Variants in WWOX observed in about 807,000 individuals in gnomAD.
The protein encoded by WWOX is WW domain-containing oxidoreductase.
A neutral mutation model predicts 46.2 loss-of-function variants in WWOX; 69 were observed. The ratio of observed to expected loss-of-function variants is 1.49; its 90% CI spans 1.23 to 1.82. The LOEUF is 1.82. Among genes scored for constraint, WWOX ranks in the 40% most tolerant of loss-of-function variants. WWOX has a pLI of 0.00. For synonymous variants in WWOX, 359 were observed against 202.6 expected, an observed-to-expected ratio of 1.77 and a Z score of -6.56; for missense variants, 919 against 542.6, an observed-to-expected ratio of 1.69 and a Z score of -6.89.
At chr16:78,159,384 C>A (rs776866787) in intron 4 of WWOX, among the ~76,000 whole-genome samples, 1 of 152,056 alleles carries the variant, frequency 6.6e-6, no homozygotes, top group Non-Finnish European at 1.5e-5. Context: ...TTTTGAGGAA[C>A]CTCCATACTG....
intron 6 of WWOX, among the ~76,000 whole-genome samples, chr16:78,392,220 TC>T (rs1357696511): frequency 6.6e-6 from 1 of 151,942 alleles, no homozygotes; most frequent in East Asian, 1.9e-4. Context: ...CCTCAGGTCC[TC>T]CCCCTGTCAG....
intron 8 of WWOX, among the ~76,000 whole-genome samples, chr16:78,722,316 A>C (rs1451317002): frequency 1.3e-5 from 2 of 152,156 alleles, no homozygotes; most frequent in Non-Finnish European, 2.9e-5. Context: ...ATCTTTACTC[A>C]AGGCTCTTGG....
At chr16:79,200,987 G>A (rs994329056) in intron 8 of WWOX, among the ~76,000 whole-genome samples, 1 of 152,166 alleles carries the variant, frequency 6.6e-6, no homozygotes, top group Non-Finnish European at 1.5e-5. Context: ...AGCTGCTTTT[G>A]AACTAGTACT....
chr16:79,062,942 C>T (rs937852125), intron 8 of WWOX, among the ~76,000 whole-genome samples: 1 of 152,226 alleles, frequency 6.6e-6, no homozygotes, highest in Non-Finnish European at 1.5e-5. Flanking sequence ...AGGTCAATTA[C>T]CCACCCAAAT....
chr16:78,946,611 CT>C (rs1292286689), intron 8 of WWOX, among the ~76,000 whole-genome samples: 4 of 152,184 alleles, frequency 2.6e-5, no homozygotes, highest in Non-Finnish European at 5.9e-5. Flanking sequence ...GACAGAGTTT[CT>C]TTCTGTCTTC....
At chr16:78,199,544 T>C (rs1262775445) in intron 5 of WWOX, among the ~76,000 whole-genome samples, 2 of 152,204 alleles carry the variant, frequency 1.3e-5, no homozygotes, top group African/African-American at 4.8e-5. Flanking sequence ...AGTGTTCTCA[T>C]GGGCTCTTCT....
At chr16:78,284,525 CACTT>C (rs2079735998) in intron 5 of WWOX, among the ~76,000 whole-genome samples, 1 of 152,148 alleles carries the variant, frequency 6.6e-6, no homozygotes, top group Admixed American at 6.6e-5. Context: ...TTTCAAATGT[CACTT>C]ACTTCTTGTT....
At chr16:78,821,009 C>G (rs926875969) in intron 8 of WWOX, among the ~76,000 whole-genome samples, 6 of 152,320 alleles carry the variant, frequency 3.9e-5, no homozygotes, top group East Asian at 3.9e-4. Flanking sequence ...AGTATGATCT[C>G]ATCTCATTCC....
intron 8 of WWOX, among the ~76,000 whole-genome samples, chr16:78,855,731 C>T (rs2052550941): frequency 6.6e-6 from 1 of 152,186 alleles, no homozygotes; most frequent in Non-Finnish European, 1.5e-5. Flanking sequence ...GAGAGAGACG[C>T]ACCACCTCTC....
intron 8 of WWOX, among the ~76,000 whole-genome samples, chr16:78,625,654 A>G (rs77664573): frequency 4.0e-5 from 6 of 151,764 alleles, no homozygotes; most frequent in Non-Finnish European, 8.8e-5. Context: ...GGTTTTTGCC[A>G]TTAAAAGTAA....
intron 8 of WWOX, among the ~76,000 whole-genome samples, chr16:78,812,642 C>G (rs112337265): frequency 0.012 from 1,855 of 152,076 alleles, 30 homozygotes; most frequent in African/African-American, 0.042. Context: ...GCGAGAATCA[C>G]TTGAACCCAG....
At chr16:78,463,843 C>G (rs1489397435) in intron 8 of WWOX, among the ~76,000 whole-genome samples, 2 of 152,122 alleles carry the variant, frequency 1.3e-5, no homozygotes, top group Non-Finnish European at 2.9e-5. Flanking sequence ...CAAATGATCA[C>G]CTGGTAATTT....
Position 78,973,370 on chromosome 16 carries a change from CT to C in WWOX, c.1057-238237del, listed in dbSNP as rs1448833673. On this transcript the variant is annotated intron_variant, in intron 8 of 8. Coordinates refer to ENST00000566780, the MANE Select transcript of WWOX (RefSeq NM_016373.4). ...GGTGATAAAAGGGAGAAAAATAGAA[CT>C]GTTCTAGAACGATCTCCACTTTTAA... is the stretch of plus-strand genomic sequence containing the variant. 7.9e-5 allele frequency among the ~76,000 whole-genome samples: 12 copies of C among 152,244 alleles called. No homozygotes were observed. In the South Asian group the frequency reaches 2.5e-3, roughly 32 times the overall value.
intron 8 of WWOX, among the ~76,000 whole-genome samples, chr16:78,572,503 T>C (rs976905038): frequency 2.1e-5 from 3 of 145,416 alleles, no homozygotes; most frequent in African/African-American, 7.8e-5. Context: ...CTTGGGAGAC[T>C]GAGGAGGGAG....
chr16:78,999,956 A>G (rs1054980139), intron 8 of WWOX, among the ~76,000 whole-genome samples: 2 of 151,536 alleles, frequency 1.3e-5, no homozygotes, highest in Non-Finnish European at 2.9e-5. Context: ...CACCGGGAGC[A>G]TTTTTTTTTC....
At chr16:79,039,351 A>G (rs926782065) in intron 8 of WWOX, among the ~76,000 whole-genome samples, 1 of 151,796 alleles carries the variant, frequency 6.6e-6, no homozygotes. Flanking sequence ...AGGGAGTTTC[A>G]TTGAGGACTA....
intron 8 of WWOX, chr16:78,506,449 G>C (rs2085206174): frequency 6.6e-6 from 1 of 152,226 alleles, no homozygotes; most frequent in Non-Finnish European, 1.5e-5. Context: ...TCCACCCCCG[G>C]AAGGTATATT....
chr16:78,959,436 C>G (rs993088183), intron 8 of WWOX, among the ~76,000 whole-genome samples: 2 of 152,176 alleles, frequency 1.3e-5, no homozygotes, highest in East Asian at 3.9e-4. Flanking sequence ...ATAACACTAA[C>G]AAGCTAATTC....
chr16:78,344,936 G>A (rs1210188383), intron 5 of WWOX, among the ~76,000 whole-genome samples: 3 of 120,340 alleles, frequency 2.5e-5, no homozygotes, highest in East Asian at 3.9e-4. Context: ...TCCTTGCTGC[G>A]GGAACTCTGG....
Sources: allele counts gnomAD v4.1 joint callset (sites outside exome capture counted in the v4.1 genomes callset), GRCh38; gene constraint gnomAD v4.1.1; transcripts MANE v1.5; gene names NCBI Gene and HGNC (gene_info 2026-07-23, HGNC 2026-07-21).